The following NBN variants were observed in gnomAD, a reference collection of about 807,000 sequenced individuals.
The protein encoded by NBN is Nijmegen breakage syndrome 1 (nibrin).
A neutral mutation model predicts 90.8 loss-of-function variants in NBN; 88 were observed. The ratio of observed to expected loss-of-function variants is 0.97; its 90% CI spans 0.82 to 1.16. The LOEUF is 1.16. Among genes scored for constraint, NBN ranks in the 50% most tolerant of loss-of-function variants. The probability of loss-of-function intolerance (pLI) is 0.00; values close to 1 mark genes in which losing one functional copy is unlikely to be tolerated. For synonymous variants in NBN, 328 were observed against 295.1 expected, an observed-to-expected ratio of 1.11 and a Z score of -1.14; for missense variants, 894 against 869.6, an observed-to-expected ratio of 1.03 and a Z score of -0.35.
intron 11 of NBN, among the ~76,000 whole-genome samples, chr8:89,948,709 G>A (rs1810311722): frequency 6.6e-6 from 1 of 152,218 alleles, no homozygotes; most frequent in South Asian, 2.1e-4. Context: ...CTTCCCCACA[G>A]AGTAAAGAGG....
intron 5 of NBN, among the ~76,000 whole-genome samples, chr8:89,975,657 C>G (rs983310233): frequency 6.6e-6 from 1 of 152,118 alleles, no homozygotes; most frequent in South Asian, 2.1e-4. Context: ...TACATTGATA[C>G]AATCAAAAAT....
At chr8:89,981,702 C>T (rs1211004201) in intron 2 of NBN, 179 bp from the exon 3 acceptor site, 1 of 674,562 alleles carries the variant, frequency 1.5e-6, no homozygotes, top group African/African-American at 1.8e-5. Flanking sequence ...CATATTTCCC[C>T]TTAGGGAAGT....
chr8:89,956,091 C>A (rs1810702727), intron 9 of NBN, among the ~76,000 whole-genome samples: 1 of 150,822 alleles, frequency 6.6e-6, no homozygotes, highest in Admixed American at 6.6e-5. Context: ...TTTAGATTAC[C>A]AGAAAAATAT....
chr8:89,973,522 T>C (rs1336341397), intron 5 of NBN, among the ~76,000 whole-genome samples: 1 of 152,340 alleles, frequency 6.6e-6, no homozygotes, highest in Admixed American at 6.5e-5. Flanking sequence ...ATTTGATATA[T>C]GATAGACACA....
At chr8:89,940,477 A>C (rs1809888416) in intron 14 of NBN, among the ~76,000 whole-genome samples, 2 of 152,124 alleles carry the variant, frequency 1.3e-5, no homozygotes, top group African/African-American at 4.8e-5. Context: ...GATTATACTG[A>C]ATTTCTGTCT....
chr8:89,961,283 T>G (rs1353665300), intron 8 of NBN, among the ~76,000 whole-genome samples: 1 of 152,198 alleles, frequency 6.6e-6, no homozygotes, highest in Non-Finnish European at 1.5e-5. Flanking sequence ...ACCAATAGCT[T>G]AGTTCAATTA....
intron 15 of NBN, among the ~76,000 whole-genome samples, chr8:89,936,388 C>T (rs1295372589): frequency 6.6e-6 from 1 of 152,132 alleles, no homozygotes; most frequent in Non-Finnish European, 1.5e-5. Flanking sequence ...GCAATTTATA[C>T]TGTCAGTTAT....
intron 7 of NBN, among the ~76,000 whole-genome samples, chr8:89,968,154 G>A (rs1318388091): frequency 6.6e-6 from 1 of 152,094 alleles, no homozygotes; most frequent in Non-Finnish European, 1.5e-5. Context: ...AGCTACTTGG[G>A]AGGCTGAGGC....
At chr8:89,971,903 T>C (rs1036982653) in intron 5 of NBN, among the ~76,000 whole-genome samples, 1 of 152,202 alleles carries the variant, frequency 6.6e-6, no homozygotes, top group Admixed American at 6.5e-5. Context: ...AATGGAGAAA[T>C]ATCAACAGAT....
chr8:89,940,457 A>C (rs1269005455), intron 14 of NBN, among the ~76,000 whole-genome samples: 1 of 152,064 alleles, frequency 6.6e-6, no homozygotes, highest in Non-Finnish European at 1.5e-5. Flanking sequence ...AGAATGTTAG[A>C]AGTAATTTTG....
chr8:89,945,767 T>A (rs761067584), intron 13 of NBN, among the ~76,000 whole-genome samples: 1 of 152,172 alleles, frequency 6.6e-6, no homozygotes, highest in African/African-American at 2.4e-5. Flanking sequence ...TGAATATGCT[T>A]AGTTATTTTA....
At position 89,971,924 on chromosome 8, in the gene NBN, C is replaced by T. The variant is rs147318500; in HGVS notation, c.585-634G>A. On this transcript the variant is annotated intron_variant, in intron 5 of 15. Coordinates refer to ENST00000265433, the MANE Select transcript of NBN (RefSeq NM_002485.5). Reference sequence around the variant, plus strand: ...GAAATATCAACAGATAATTCTTAAGCCTCTCATCAGTCTAGAGTTTCAACT... The same window carrying T: ...GAAATATCAACAGATAATTCTTAAGTCTCTCATCAGTCTAGAGTTTCAACT... Among the ~76,000 whole-genome samples, 321 of 152,240 alleles carry T rather than the reference C, an allele frequency of 2.1e-3. 2 individuals carry two copies. Among genetic ancestry groups the T allele is most frequent in the African/African-American group, 7.0e-3 (292 of 41,556 alleles).
chr8:89,955,835 A>G (rs928942050), intron 9 of NBN, among the ~76,000 whole-genome samples: 1 of 152,146 alleles, frequency 6.6e-6, no homozygotes, highest in Non-Finnish European at 1.5e-5. Flanking sequence ...AACTTAGCAT[A>G]GCCTATTATA....
chr8:89,950,448 GC>G (rs1277574005), intron 11 of NBN, among the ~76,000 whole-genome samples: 1 of 134,580 alleles, frequency 7.4e-6, no homozygotes, highest in East Asian at 2.5e-4. Flanking sequence ...ATGTACAGAC[GC>G]ATTTTTTTTT....
intron 1 of NBN, among the ~76,000 whole-genome samples, chr8:89,983,940 A>G (rs1217996132): frequency 6.6e-6 from 1 of 152,154 alleles, no homozygotes; most frequent in East Asian, 1.9e-4. Flanking sequence ...TCCCGAGGAC[A>G]AGACCCTTCA....
Position 89,947,922 on chromosome 8 carries a change from A to G in NBN, c.1846-30T>C, listed in dbSNP as rs189185380. Reference sequence around the variant, plus strand: ...AGAAATAAAATAAAAAATACTGTTCATAGGAGTAATAAAATGGTATGTTTC... The same window carrying G: ...AGAAATAAAATAAAAAATACTGTTCGTAGGAGTAATAAAATGGTATGTTTC... On this transcript the variant is annotated intron_variant, in intron 11 of 15. Coordinates refer to ENST00000265433, the MANE Select transcript of NBN (RefSeq NM_002485.5). 27 of 1,313,398 alleles carry G rather than the reference A, an allele frequency of 2.1e-5. No individual in the cohort carries two copies. The East Asian group carries it at 2.7e-4, about 13-fold the overall frequency. The allele number at this position is 1,313,398 out of a possible 1,614,324, so 81.4% of individuals were successfully genotyped here.
intron 4 of NBN, among the ~76,000 whole-genome samples, chr8:89,979,370 A>C (rs1811941177): frequency 6.6e-6 from 1 of 152,234 alleles, no homozygotes; most frequent in Non-Finnish European, 1.5e-5. Flanking sequence ...CCTGAAAGAT[A>C]CCACTTTCCA....
At chr8:89,938,737 T>C (rs1201533739) in intron 14 of NBN, among the ~76,000 whole-genome samples, 1 of 152,218 alleles carries the variant, frequency 6.6e-6, no homozygotes, top group East Asian at 1.9e-4. Flanking sequence ...TCTTACAGAC[T>C]GATTTTTCTA....
chr8:89,953,298 T>C lies in NBN; in HGVS notation c.1791A>G (p.Ile597Met), dbSNP rs1810523727. 6.2e-7 allele frequency: 1 copy of C among 1,613,384 alleles called. No homozygotes were observed. Among genetic ancestry groups the C allele is most frequent in the Non-Finnish European group, 8.5e-7 (1 of 1,179,784 alleles). Residue 597 changes from isoleucine to methionine, a missense_variant, in exon 11 of 16, where the codon ATA becomes ATG. Transcript: ENST00000265433. ...CATCACTGAAAGTGTCATTTGTTTC[T>C]ATATCCATCCTTGGCCTTTTTCTAA... is the stretch of plus-strand genomic sequence containing the variant. The part of the protein sequence containing the change: ...VNVRKRPRMD[I>M]ETNDTFSDEA...
Sources: gnomAD v4.1 joint callset for allele counts (sites outside exome capture counted in the v4.1 genomes callset) on GRCh38, gnomAD v4.1.1 for gene constraint, MANE v1.5 for transcripts, NCBI Gene and HGNC (gene_info 2026-07-23, HGNC 2026-07-21) for gene names.